The following GALNTL6 variants were observed in gnomAD, a reference collection of about 807,000 sequenced individuals.
The protein encoded by GALNTL6 is polypeptide N-acetylgalactosaminyltransferase-like 6.
Under a neutral mutation model 73.7 loss-of-function variants are expected in GALNTL6, and 46 were observed. That is an observed-to-expected ratio of 0.62 (90% CI 0.49 to 0.80). The LOEUF is 0.80. Ranked by LOEUF, GALNTL6 falls within the 30% of genes least tolerant of loss-of-function variation. The pLI is 0.00. For missense variants in GALNTL6, 604 were observed against 755.0 expected (o/e 0.80, Z 2.34); for synonymous variants, 259 against 263.7 (o/e 0.98, Z 0.17).
chr4:171,854,873 A>G (rs1735641272), intron 2 of GALNTL6, among the ~76,000 whole-genome samples: 1 of 152,192 alleles, frequency 6.6e-6, no homozygotes, highest in South Asian at 2.1e-4. Context: ...GTTTCAAAAT[A>G]TGAATTTTGC....
chr4:172,992,596 A>G (rs995404232), intron 10 of GALNTL6, among the ~76,000 whole-genome samples: 1 of 152,170 alleles, frequency 6.6e-6, no homozygotes, highest in African/African-American at 2.4e-5. Context: ...CACAACATAT[A>G]TGAATACACA....
intron 5 of GALNTL6, among the ~76,000 whole-genome samples, chr4:172,762,464 A>G (rs1250743544): frequency 6.6e-6 from 1 of 151,290 alleles, no homozygotes; most frequent in Non-Finnish European, 1.5e-5. Flanking sequence ...AAAAAAAAAA[A>G]GGAGTAACAT....
intron 3 of GALNTL6, among the ~76,000 whole-genome samples, chr4:172,278,246 A>G (rs762979140): frequency 2.6e-5 from 4 of 152,100 alleles, no homozygotes; most frequent in African/African-American, 9.7e-5. Context: ...GTTTAATAAG[A>G]TATTTCTTTG....
At chr4:172,963,811 A>T (rs1750198317) in intron 10 of GALNTL6, among the ~76,000 whole-genome samples, 1 of 152,272 alleles carries the variant, frequency 6.6e-6, no homozygotes, top group Non-Finnish European at 1.5e-5. Context: ...TAGTTAAACA[A>T]GTTACAAAAT....
At chr4:171,988,181 G>GCT (rs1248905575) in intron 2 of GALNTL6, among the ~76,000 whole-genome samples, 1 of 152,190 alleles carries the variant, frequency 6.6e-6, no homozygotes, top group African/African-American at 2.4e-5. Context: ...AGGCTACAGG[G>GCT]TGCAGTCCTG....
intron 5 of GALNTL6, among the ~76,000 whole-genome samples, chr4:172,783,870 T>C (rs1009660068): frequency 1.3e-5 from 2 of 152,120 alleles, no homozygotes; most frequent in African/African-American, 4.8e-5. Flanking sequence ...AAGATTCTTT[T>C]AAATCTTTTG....
At chr4:172,519,113 C>CAT (rs1057012212) in intron 5 of GALNTL6, among the ~76,000 whole-genome samples, 1 of 150,990 alleles carries the variant, frequency 6.6e-6, no homozygotes, top group African/African-American at 2.4e-5. Flanking sequence ...CACACACACA[C>CAT]ATACACCCAC....
At chr4:172,035,584 TA>T (rs1345257017) in intron 2 of GALNTL6, among the ~76,000 whole-genome samples, 1 of 152,152 alleles carries the variant, frequency 6.6e-6, no homozygotes, top group Non-Finnish European at 1.5e-5. Context: ...GACCCAATGT[TA>T]ACACTATCAA....
chr4:172,268,191 T>A (rs1000370589), intron 3 of GALNTL6, among the ~76,000 whole-genome samples: 4 of 152,212 alleles, frequency 2.6e-5, no homozygotes, highest in African/African-American at 9.6e-5. Flanking sequence ...TTGCCAAATA[T>A]ATCAAATCCT....
chr4:172,689,751 G>T (rs935422123), intron 5 of GALNTL6, among the ~76,000 whole-genome samples: 1 of 152,104 alleles, frequency 6.6e-6, no homozygotes, highest in African/African-American at 2.4e-5. Flanking sequence ...ATTTAACAGT[G>T]TCCTAGAAAT....
intron 5 of GALNTL6, among the ~76,000 whole-genome samples, chr4:172,423,191 T>C (rs1265221178): frequency 6.6e-6 from 1 of 152,108 alleles, no homozygotes; most frequent in East Asian, 2.0e-4. Flanking sequence ...TAACATTGTA[T>C]CTGGTCTCTG....
intron 2 of GALNTL6, among the ~76,000 whole-genome samples, chr4:172,066,378 C>G (rs536581268): frequency 6.6e-6 from 1 of 152,102 alleles, no homozygotes; most frequent in Non-Finnish European, 1.5e-5. Context: ...CCTTCTTTCT[C>G]TTAGCAATAT....
chr4:172,587,735 T>C (rs1041168261), intron 5 of GALNTL6, among the ~76,000 whole-genome samples: 4 of 152,156 alleles, frequency 2.6e-5, no homozygotes, highest in African/African-American at 9.7e-5. Context: ...AGAAGCTTTT[T>C]GTGAACCATC....
At chr4:172,010,634 C>T (rs1740978542) in intron 2 of GALNTL6, among the ~76,000 whole-genome samples, 1 of 151,858 alleles carries the variant, frequency 6.6e-6, no homozygotes, top group African/African-American at 2.4e-5. Context: ...TCAAGTAAAT[C>T]TCCCAAATCA....
chr4:172,384,919 T>A (rs983668382), intron 5 of GALNTL6, among the ~76,000 whole-genome samples: 3 of 151,916 alleles, frequency 2.0e-5, no homozygotes, highest in African/African-American at 7.2e-5. Context: ...CTAAGGTTTG[T>A]TGTGTTGGGT....
chr4:172,314,826 T>C (rs755992397), intron 4 of GALNTL6, among the ~76,000 whole-genome samples: 32 of 152,160 alleles, frequency 2.1e-4, no homozygotes, highest in Non-Finnish European at 4.4e-4. Flanking sequence ...GCCAGGCTGG[T>C]CTCAAACTCC....
At chr4:172,694,131 T>A (rs966408325) in intron 5 of GALNTL6, among the ~76,000 whole-genome samples, 1 of 152,150 alleles carries the variant, frequency 6.6e-6, no homozygotes, top group Non-Finnish European at 1.5e-5. Context: ...TTTCTTTTTT[T>A]TTTTTTCTTT....
rs144101536 is a variant in GALNTL6 at position 172,857,153 on chromosome 4, T to C, written c.924-25637T>C. 1.9e-3 allele frequency among the ~76,000 whole-genome samples: 293 copies of C among 152,342 alleles called. 2 individuals are homozygous for C. Among genetic ancestry groups the C allele is most frequent in the Middle Eastern group, 0.017 (5 of 294 alleles). ...TCATCACTGTCACCATGTAATTGCA[T>C]TGGACTTCCATGTTAATCCCTGAAG... On this transcript the variant is annotated intron_variant, in intron 7 of 12. Coordinates refer to ENST00000506823, the MANE Select transcript of GALNTL6 (RefSeq NM_001034845.3).
chr4:172,447,339 A>T, intron 5 of GALNTL6, among the ~76,000 whole-genome samples: 1 of 152,168 alleles, frequency 6.6e-6, no homozygotes, highest in East Asian at 1.9e-4. Flanking sequence ...GCTGAATCAA[A>T]TGTCACTCTT....
Sources: allele counts gnomAD v4.1 joint callset (sites outside exome capture counted in the v4.1 genomes callset), GRCh38; gene constraint gnomAD v4.1.1; transcripts MANE v1.5; gene names NCBI Gene and HGNC (gene_info 2026-07-23, HGNC 2026-07-21).